Variants in CACNG2 observed in about 807,000 individuals in gnomAD.
CACNG2 encodes calcium voltage-gated channel auxiliary subunit gamma 2.
A neutral mutation model predicts 25.9 loss-of-function variants in CACNG2; 3 were observed. That is an observed-to-expected ratio of 0.12 (90% CI 0.05 to 0.30). CACNG2 has a LOEUF of 0.30. Among genes scored for constraint, CACNG2 ranks in the 10% least tolerant of loss-of-function variants. CACNG2 has a pLI of 1.00. For missense variants in CACNG2, 341 were observed against 432.5 expected (o/e 0.79, Z 1.88); for synonymous variants, 167 against 173.3 (o/e 0.96, Z 0.29).
chr22:36,608,575 T>C lies in CACNG2; in HGVS notation c.212-21027A>G, dbSNP rs1451168270. ...TGGGTAGGTTCTATTAATGAGCCTG[T>C]TCTACAGGTGAGAAACTGGAGGTTC... On this transcript the variant is annotated intron_variant, in intron 1 of 3. Transcript: ENST00000300105. Among the ~76,000 whole-genome samples the C allele has an allele frequency of 2.0e-5, 3 of 152,244 alleles. No individual in the cohort carries two copies. The East Asian group carries it at 5.8e-4, about 29-fold the overall frequency.
intron 1 of CACNG2, among the ~76,000 whole-genome samples, chr22:36,637,572 A>C (rs1391892606): frequency 6.6e-6 from 1 of 151,748 alleles, no homozygotes; most frequent in Non-Finnish European, 1.5e-5. Context: ...GGCTCACCGC[A>C]CTCCACACTG....
intron 1 of CACNG2, among the ~76,000 whole-genome samples, chr22:36,599,411 T>C (rs1434252807): frequency 1.3e-5 from 2 of 151,966 alleles, no homozygotes; most frequent in Non-Finnish European, 2.9e-5. Context: ...AGTTTAAGAG[T>C]GTTTGCAGCT....
At chr22:36,597,949 G>A (rs922424755) in intron 1 of CACNG2, among the ~76,000 whole-genome samples, 20 of 152,208 alleles carry the variant, frequency 1.3e-4, no homozygotes, top group African/African-American at 4.8e-4. Context: ...AAGTCTGTAA[G>A]CTCCTCAAGG....
intron 2 of CACNG2, among the ~76,000 whole-genome samples, chr22:36,582,557 C>T (rs1935436804): frequency 6.6e-6 from 1 of 152,014 alleles, no homozygotes; most frequent in African/African-American, 2.4e-5. Flanking sequence ...AGGCATGCAC[C>T]ACCACGCCTG....
At chr22:36,581,233 G>T (rs1935412993) in intron 2 of CACNG2, among the ~76,000 whole-genome samples, 1 of 152,180 alleles carries the variant, frequency 6.6e-6, no homozygotes, top group Non-Finnish European at 1.5e-5. Flanking sequence ...ATTGGTCATG[G>T]CTTTATGGAG....
chr22:36,627,771 C>T (rs565789257), intron 1 of CACNG2, among the ~76,000 whole-genome samples: 11 of 152,004 alleles, frequency 7.2e-5, no homozygotes, highest in Admixed American at 2.6e-4. Flanking sequence ...TACAGGCGTG[C>T]GCCACCATGC....
intron 1 of CACNG2, among the ~76,000 whole-genome samples, chr22:36,691,805 AC>A (rs1346804502): frequency 6.6e-6 from 1 of 152,220 alleles, no homozygotes; most frequent in Non-Finnish European, 1.5e-5. Context: ...GAAACACTCA[AC>A]GAATGACTAC....
chr22:36,605,366 T>C (rs1039223029), intron 1 of CACNG2, among the ~76,000 whole-genome samples: 1 of 152,206 alleles, frequency 6.6e-6, no homozygotes, highest in African/African-American at 2.4e-5. Flanking sequence ...TGAGCCACCA[T>C]GCCCGGCCCC....
At chr22:36,669,100 C>T (rs987249857) in intron 1 of CACNG2, among the ~76,000 whole-genome samples, 7 of 152,116 alleles carry the variant, frequency 4.6e-5, no homozygotes, top group African/African-American at 1.4e-4. Flanking sequence ...GTTGAGTTGA[C>T]ACATATATTT....
At chr22:36,676,932 T>TGTGTGTGTGTGTGTGTGTG (rs1937027309) in intron 1 of CACNG2, among the ~76,000 whole-genome samples, 1 of 141,650 alleles carries the variant, frequency 7.1e-6, no homozygotes, top group East Asian at 2.1e-4. Context: ...TCTTCTAATA[T>TGTGTGTGTGTGTGTGTGTG]TGTGTGTGTG....
At chr22:36,693,336 C>T (rs781248327) in intron 1 of CACNG2, among the ~76,000 whole-genome samples, 1 of 152,100 alleles carries the variant, frequency 6.6e-6, no homozygotes, top group Non-Finnish European at 1.5e-5. Flanking sequence ...GGAGACTGGA[C>T]GTCCCTCTAT....
At chr22:36,594,391 A>C (rs140590291) in intron 1 of CACNG2, among the ~76,000 whole-genome samples, 1 of 152,348 alleles carries the variant, frequency 6.6e-6, no homozygotes, top group Admixed American at 6.5e-5. Flanking sequence ...TGTAGCACCA[A>C]TTGTATGCCA....
chr22:36,574,304 A>C (rs1009317644), intron 2 of CACNG2, among the ~76,000 whole-genome samples: 1 of 152,152 alleles, frequency 6.6e-6, no homozygotes, highest in African/African-American at 2.4e-5. Context: ...GTAGGTACAA[A>C]GGGCATGGAC....
intron 1 of CACNG2, among the ~76,000 whole-genome samples, chr22:36,680,380 A>ACCACCATCACTG (rs1317418049): frequency 6.8e-6 from 1 of 146,646 alleles, no homozygotes; most frequent in East Asian, 2.1e-4. Context: ...CACCATTACC[A>ACCACCATCACTG]CCACCATCAC....
chr22:36,618,223 T>C (rs1382793349), intron 1 of CACNG2, among the ~76,000 whole-genome samples: 1 of 152,180 alleles, frequency 6.6e-6, no homozygotes, highest in Non-Finnish European at 1.5e-5. Flanking sequence ...CTTGCCACCA[T>C]ATGGCTGCGT....
chr22:36,686,630 C>T (rs1231003109), intron 1 of CACNG2, among the ~76,000 whole-genome samples: 1 of 152,216 alleles, frequency 6.6e-6, no homozygotes, highest in Non-Finnish European at 1.5e-5. Context: ...TGCCTTCCGT[C>T]CCACAAGCAT....
chr22:36,638,254 C>T (rs749595397), intron 1 of CACNG2, among the ~76,000 whole-genome samples: 6 of 152,194 alleles, frequency 3.9e-5, no homozygotes, highest in Non-Finnish European at 8.8e-5. Flanking sequence ...CTTCTCTGCT[C>T]GCATTGCCCA....
chr22:36,564,911 G>A lies in CACNG2; in HGVS notation c.437-25C>T, dbSNP rs1396427529. Reference sequence around the variant, plus strand: ...CCTGCGGGGCGCAGGGTGGCGGGGTGGGGGATCAGAGAGAAGGACGTTAGT... The same window carrying A: ...CCTGCGGGGCGCAGGGTGGCGGGGTAGGGGATCAGAGAGAAGGACGTTAGT... On this transcript the variant is annotated intron_variant, in intron 3 of 3. Coordinates refer to ENST00000300105, the MANE Select transcript of CACNG2 (RefSeq NM_006078.5). The surrounding 1 kb of genome is among the most constrained non-coding windows in gnomAD (Gnocchi z 6.7). 6.2e-7 allele frequency: 1 copy of A among 1,601,648 alleles called. No homozygotes were observed. Among genetic ancestry groups the A allele is most frequent in the Non-Finnish European group, 8.5e-7 (1 of 1,175,798 alleles).
chr22:36,572,089 A>G (rs1935239859), intron 2 of CACNG2, among the ~76,000 whole-genome samples: 1 of 152,190 alleles, frequency 6.6e-6, no homozygotes, highest in Non-Finnish European at 1.5e-5. Flanking sequence ...GAGTCAGGAA[A>G]TATCTGATTT....
Sources: allele counts gnomAD v4.1 joint callset (sites outside exome capture counted in the v4.1 genomes callset), GRCh38; gene constraint gnomAD v4.1.1; non-coding constraint Gnocchi (gnomAD v3.1); transcripts MANE v1.5; gene names NCBI Gene and HGNC (gene_info 2026-07-23, HGNC 2026-07-21).